The following FGF14 variants were observed in gnomAD, a reference collection of about 807,000 sequenced individuals.
The protein encoded by FGF14 is fibroblast growth factor 14.
In FGF14, 5 loss-of-function variants were observed where a neutral mutation model predicts 25.5. That is an observed-to-expected ratio of 0.20 (90% confidence interval 0.10 to 0.41). The LOEUF is 0.41. FGF14 is among the 10% of genes least tolerant of loss of function. The pLI is 1.00. For missense variants in FGF14, 222 were observed against 320.1 expected, an observed-to-expected ratio of 0.69 and a Z score of 2.34; for synonymous variants, 138 against 118.3, an observed-to-expected ratio of 1.17 and a Z score of -1.08.
intron 1 of FGF14, among the ~76,000 whole-genome samples, chr13:102,297,547 C>G (rs1460296901): frequency 6.6e-6 from 1 of 152,020 alleles, no homozygotes; most frequent in African/African-American, 2.4e-5. Flanking sequence ...TGTACTCTCT[C>G]TGCAACTTTT....
At chr13:101,874,260 G>A (rs2045274461) in intron 2 of FGF14, among the ~76,000 whole-genome samples, 1 of 151,962 alleles carries the variant, frequency 6.6e-6, no homozygotes, top group Admixed American at 6.6e-5. Context: ...TTGATTATGT[G>A]TATTATTCAA....
chr13:101,802,174 G>T (rs190425272), intron 3 of FGF14: 5 of 254,518 alleles, frequency 2.0e-5, no homozygotes, highest in Middle Eastern at 1.5e-3. Flanking sequence ...TTTCCGTTCT[G>T]TTCAGAAGTC....
At chr13:102,162,305 C>G (rs1413103467) in intron 1 of FGF14, among the ~76,000 whole-genome samples, 1 of 152,108 alleles carries the variant, frequency 6.6e-6, no homozygotes, top group Non-Finnish European at 1.5e-5. Flanking sequence ...AATACATTTA[C>G]TGAAAAGCAA....
chr13:102,035,866 T>C (rs1429925209), intron 1 of FGF14, among the ~76,000 whole-genome samples: 1 of 152,034 alleles, frequency 6.6e-6, no homozygotes, highest in Admixed American at 6.6e-5. Context: ...CAGGAAAATG[T>C]GCTAAAGACA....
chr13:101,890,958 G>T (rs1332605983), intron 1 of FGF14, among the ~76,000 whole-genome samples: 1 of 152,120 alleles, frequency 6.6e-6, no homozygotes. Flanking sequence ...AAGACAAGGG[G>T]AATAATGTCT....
chr13:102,023,043 GACACACACACAC>G (rs59221538), intron 1 of FGF14, among the ~76,000 whole-genome samples: 15 of 146,190 alleles, frequency 1.0e-4, no homozygotes, highest in African/African-American at 2.0e-4. Context: ...AATATTTTCG[GACACACACACAC>G]ACACACACAC....
At chr13:102,318,796 G>A (rs2056132706) in intron 1 of FGF14, among the ~76,000 whole-genome samples, 1 of 152,104 alleles carries the variant, frequency 6.6e-6, no homozygotes, top group Admixed American at 6.5e-5. Context: ...ATTTGAGGGG[G>A]GCACGTTTCA....
chr13:101,935,539 G>T (rs1046311400), intron 1 of FGF14, among the ~76,000 whole-genome samples: 1 of 152,174 alleles, frequency 6.6e-6, no homozygotes, highest in Non-Finnish European at 1.5e-5. Context: ...CATGAGATCT[G>T]ATGGTTTTAT....
intron 3 of FGF14, among the ~76,000 whole-genome samples, chr13:101,786,720 C>G (rs1178750134): frequency 6.6e-6 from 1 of 152,172 alleles, no homozygotes; most frequent in South Asian, 2.1e-4. Flanking sequence ...GGGGTTAGGA[C>G]TCCAACATAC....
chr13:102,224,230 G>C (rs891419526), intron 1 of FGF14, among the ~76,000 whole-genome samples: 3 of 152,126 alleles, frequency 2.0e-5, no homozygotes, highest in Non-Finnish European at 4.4e-5. Context: ...GCCCTTGGAT[G>C]AAAGTAGCTC....
intron 1 of FGF14, among the ~76,000 whole-genome samples, chr13:102,401,289 G>A (rs1212688223): frequency 6.6e-6 from 1 of 151,998 alleles, no homozygotes; most frequent in African/African-American, 2.4e-5. Context: ...ATGGTTTTGG[G>A]GTTCGTAGAC....
chr13:101,828,189 T>C (rs1227932047), intron 3 of FGF14, among the ~76,000 whole-genome samples: 1 of 152,092 alleles, frequency 6.6e-6, no homozygotes, highest in Non-Finnish European at 1.5e-5. Context: ...TGATTTGCAG[T>C]TCTTGTAATG....
intron 1 of FGF14, among the ~76,000 whole-genome samples, chr13:102,153,330 T>C (rs887069848): frequency 1.3e-5 from 2 of 152,210 alleles, no homozygotes; most frequent in Non-Finnish European, 2.9e-5. Context: ...ATGATGGCAA[T>C]TGATCTAGAG....
intron 3 of FGF14, among the ~76,000 whole-genome samples, chr13:101,867,264 T>C (rs1220700817): frequency 1.3e-5 from 2 of 152,098 alleles, no homozygotes; most frequent in Non-Finnish European, 2.9e-5. Flanking sequence ...ATACTCAAAA[T>C]GATATACCCT....
intron 2 of FGF14, among the ~76,000 whole-genome samples, chr13:101,871,277 A>C (rs1298063115): frequency 2.0e-5 from 3 of 152,158 alleles, no homozygotes; most frequent in Non-Finnish European, 4.4e-5. Context: ...TTCATATAAC[A>C]GTGATTTTCA....
chr13:102,049,083 A>G (rs2042110913), intron 1 of FGF14, among the ~76,000 whole-genome samples: 1 of 152,124 alleles, frequency 6.6e-6, no homozygotes, highest in Non-Finnish European at 1.5e-5. Context: ...AAAAATCAAT[A>G]GTCAAAGAAA....
chr13:101,813,388 G>A (rs575236561), intron 3 of FGF14, among the ~76,000 whole-genome samples: 6 of 152,246 alleles, frequency 3.9e-5, no homozygotes, highest in Admixed American at 2.0e-4. Context: ...GGGCTTGAGC[G>A]GGTGGGTTGG....
At chr13:102,110,945 G>A (rs2045193907) in intron 1 of FGF14, among the ~76,000 whole-genome samples, 1 of 152,308 alleles carries the variant, frequency 6.6e-6, no homozygotes, top group African/African-American at 2.4e-5. Flanking sequence ...TTAGCCTTAA[G>A]AAAATGGTTA....
At chr13:101,776,641 G>T (rs561585846) in intron 3 of FGF14, among the ~76,000 whole-genome samples, 4 of 152,282 alleles carry the variant, frequency 2.6e-5, no homozygotes, top group South Asian at 2.1e-4. Context: ...CAAAACGCAT[G>T]GTTCTTCCAC....
Sources: gnomAD v4.1 joint callset for allele counts (sites outside exome capture counted in the v4.1 genomes callset) on GRCh38, gnomAD v4.1.1 for gene constraint, MANE v1.5 for transcripts, NCBI Gene and HGNC (gene_info 2026-07-23, HGNC 2026-07-21) for gene names.